Variants in CADPS2 observed in about 807,000 individuals in gnomAD.
CADPS2 encodes the protein calcium-dependent secretion activator 2.
CADPS2 carries 93 observed loss-of-function variants against 172.5 expected under a neutral mutation model. The ratio of observed to expected loss-of-function variants is 0.54; its 90% CI spans 0.46 to 0.64. The LOEUF is 0.64. Ranked by LOEUF, CADPS2 falls within the 30% of genes least tolerant of loss-of-function variation. CADPS2 has a pLI of 0.00. For missense variants in CADPS2, 1,420 were observed against 1,565.9 expected (o/e 0.91, Z 1.57); for synonymous variants, 546 against 555.2 (o/e 0.98, Z 0.23).
At chr7:122,603,540 T>A (rs1184854412) in intron 6 of CADPS2, among the ~76,000 whole-genome samples, 4 of 151,952 alleles carry the variant, frequency 2.6e-5, no homozygotes, top group African/African-American at 9.7e-5. Flanking sequence ...ATATAACGAT[T>A]GGGTGTTCCT....
chr7:122,496,154 T>C (rs1007933771), intron 9 of CADPS2, among the ~76,000 whole-genome samples: 2 of 152,088 alleles, frequency 1.3e-5, no homozygotes, highest in African/African-American at 4.8e-5. Flanking sequence ...GGGATATTTA[T>C]CTCTTTATTT....
intron 2 of CADPS2, among the ~76,000 whole-genome samples, chr7:122,692,878 T>C (rs1313791630): frequency 6.6e-6 from 1 of 152,232 alleles, no homozygotes; most frequent in East Asian, 1.9e-4. Flanking sequence ...CTGCTCTCCA[T>C]TGCCTTCAGG....
intron 1 of CADPS2, among the ~76,000 whole-genome samples, chr7:122,853,801 A>C (rs1814382946): frequency 2.0e-5 from 3 of 152,190 alleles, no homozygotes; most frequent in South Asian, 2.1e-4. Flanking sequence ...AGAGAGGGGA[A>C]GCAGGAGCGA....
At chr7:122,542,403 C>T (rs1162834859) in intron 8 of CADPS2, among the ~76,000 whole-genome samples, 2 of 152,130 alleles carry the variant, frequency 1.3e-5, no homozygotes, top group African/African-American at 4.8e-5. Flanking sequence ...ATGGCTAAAT[C>T]TTTGGGTAAA....
chr7:122,609,833 A>T (rs987060298), intron 6 of CADPS2, among the ~76,000 whole-genome samples: 1 of 152,206 alleles, frequency 6.6e-6, no homozygotes, highest in Non-Finnish European at 1.5e-5. Context: ...AACAAAGCAC[A>T]AACTGTTGAA....
intron 18 of CADPS2, among the ~76,000 whole-genome samples, chr7:122,414,511 A>G (rs1183220333): frequency 6.6e-6 from 1 of 152,186 alleles, no homozygotes; most frequent in Non-Finnish European, 1.5e-5. Context: ...ATTTTATCAC[A>G]TAATCACTTT....
At chr7:122,789,313 TC>T (rs1254714177) in intron 1 of CADPS2, among the ~76,000 whole-genome samples, 2 of 152,002 alleles carry the variant, frequency 1.3e-5, no homozygotes, top group Non-Finnish European at 2.9e-5. Flanking sequence ...CTATCCTATC[TC>T]CCCCAAGGCC....
chr7:122,691,126 T>A (rs962142453), intron 2 of CADPS2, among the ~76,000 whole-genome samples: 1 of 152,248 alleles, frequency 6.6e-6, no homozygotes, highest in African/African-American at 2.4e-5. Context: ...GTCTGCACCG[T>A]CCTTATCCGG....
intron 17 of CADPS2, chr7:122,436,470 T>G: frequency 1.5e-6 from 1 of 651,970 alleles, no homozygotes; most frequent in Non-Finnish European, 2.2e-6. Context: ...AACTTAAGTT[T>G]GATTTGGTTC....
intron 3 of CADPS2, among the ~76,000 whole-genome samples, chr7:122,644,369 A>T (rs2078067272): frequency 6.9e-6 from 1 of 143,956 alleles, no homozygotes; most frequent in Non-Finnish European, 1.6e-5. Context: ...TGTCCAGGTC[A>T]ATCTCCAAAT....
chr7:122,873,755 C>G (rs890030974), intron 1 of CADPS2, among the ~76,000 whole-genome samples: 5 of 152,252 alleles, frequency 3.3e-5, no homozygotes, highest in African/African-American at 1.2e-4. Context: ...CACTGTGTTC[C>G]ACAATAGTTA....
Position 122,471,406 on chromosome 7 carries a change from C to A in CADPS2, c.2155G>T (p.Ala719Ser). Residue 719 changes from alanine (A) to serine (S), a missense_variant, in exon 14 of 30, where the codon GCA becomes TCA. Transcript: ENST00000449022. ...IDPTLLHYSF[A>S]FCASHVHGNR... The stretch of plus-strand genomic sequence containing the variant: ...CCGTGCACATGAGAGGCACAGAATG[C>A]AAAGCTGTAATGGAGCAGGGTAGGG... 6 of 1,612,902 alleles carry A rather than the reference C, an allele frequency of 3.7e-6. No homozygotes were observed. Among genetic ancestry groups the A allele is most frequent in the Non-Finnish European group, 2.5e-6 (3 of 1,179,458 alleles).
At chr7:122,450,895 T>G (rs914815005) in intron 15 of CADPS2, among the ~76,000 whole-genome samples, 1 of 152,078 alleles carries the variant, frequency 6.6e-6, no homozygotes, top group African/African-American at 2.4e-5. Flanking sequence ...TCTCAGAGAA[T>G]GTAAGTAAAA....
intron 6 of CADPS2, among the ~76,000 whole-genome samples, chr7:122,589,190 T>C (rs776600486): frequency 2.0e-4 from 30 of 152,012 alleles, no homozygotes; most frequent in Non-Finnish European, 3.7e-4. Flanking sequence ...TTAATAGATG[T>C]GTAAAATGTA....
chr7:122,860,594 A>G (rs117703576), intron 1 of CADPS2, among the ~76,000 whole-genome samples: 269 of 152,300 alleles, frequency 1.8e-3, no homozygotes, highest in Non-Finnish European at 3.4e-3. Context: ...AAGGATAAAG[A>G]ACATTAAAAC....
chr7:122,513,958 A>G (rs1444215157), intron 8 of CADPS2, among the ~76,000 whole-genome samples: 1 of 152,228 alleles, frequency 6.6e-6, no homozygotes, highest in Non-Finnish European at 1.5e-5. Flanking sequence ...GTAGTTTTAC[A>G]TAGTTTCAAC....
intron 6 of CADPS2, among the ~76,000 whole-genome samples, chr7:122,608,302 T>C (rs2073859743): frequency 6.6e-6 from 1 of 152,138 alleles, no homozygotes; most frequent in Non-Finnish European, 1.5e-5. Context: ...ATCTGACTAA[T>C]GAATTATACT....
chr7:122,702,455 T>G, intron 2 of CADPS2: 1 of 1,613,748 alleles, frequency 6.2e-7, no homozygotes, highest in East Asian at 2.2e-5. Flanking sequence ...CAGCCATGAG[T>G]CTGCCTGTTT....
At chr7:122,816,303 T>G (rs1283850204) in intron 1 of CADPS2, among the ~76,000 whole-genome samples, 1 of 152,208 alleles carries the variant, frequency 6.6e-6, no homozygotes, top group African/African-American at 2.4e-5. Flanking sequence ...TTTGTCTTTC[T>G]GTGTCTGGCT....
Sources: gnomAD v4.1 joint callset for allele counts (sites outside exome capture counted in the v4.1 genomes callset) on GRCh38, gnomAD v4.1.1 for gene constraint, MANE v1.5 for transcripts, NCBI Gene and HGNC (gene_info 2026-07-23, HGNC 2026-07-21) for gene names.